CSF2RA: variants seen among roughly 807,000 people sequenced by gnomAD.
CSF2RA encodes colony stimulating factor 2 receptor subunit alpha, also known as granulocyte-macrophage colony-stimulating factor receptor subunit alpha.
Under a neutral mutation model 51.6 loss-of-function variants are expected in CSF2RA, and 42 were observed. That is an observed-to-expected ratio of 0.81 (90% CI 0.64 to 1.05). The LOEUF (loss-of-function observed/expected upper bound fraction) is 1.05, where lower values mean the gene tolerates loss of function less well. Ranked by LOEUF, CSF2RA falls within the 50% of genes least tolerant of loss-of-function variation. The pLI is 0.00. For missense variants in CSF2RA, 530 were observed against 501.1 expected (o/e 1.06, Z -0.55); for synonymous variants, 222 against 193.0 (o/e 1.15, Z -1.24).
chrX:1,314,836 T>G (rs868522018), downstream of CSF2RA, among the ~76,000 whole-genome samples: 17 of 90,894 alleles, frequency 1.9e-4, 5 homozygotes, highest in African/African-American at 8.3e-4. Context: ...CCAACCGCAC[T>G]GCACCTGCCC....
At chrX:1,318,472 C>G in the CSF2RA span, among the ~76,000 whole-genome samples, 14 of 151,710 alleles carry the variant, frequency 9.2e-5, no homozygotes, top group African/African-American at 3.4e-4. Flanking sequence ...CGAAGCTGAA[C>G]TTTTGTCTCC....
chrX:1,288,724 G>C, intron 5 of CSF2RA, 35 bp from the exon 6 acceptor site: 4 of 1,613,854 alleles, frequency 2.5e-6, no homozygotes, highest in Non-Finnish European at 3.4e-6. Context: ...GTTGAACTTC[G>C]GAGTGAAAAT....
chrX:1,270,226 A>G (rs1446557510), intron 1 of CSF2RA, among the ~76,000 whole-genome samples: 5 of 130,304 alleles, frequency 3.8e-5, no homozygotes, highest in African/African-American at 1.4e-4. Flanking sequence ...TATTGTATAT[A>G]TACATATTAT....
chrX:1,314,969 T>G (rs1490894102), downstream of CSF2RA, among the ~76,000 whole-genome samples: 2,107 of 103,918 alleles, frequency 0.02, 265 homozygotes, highest in African/African-American at 0.076. Flanking sequence ...CCAACCCCAC[T>G]GTGCCTGCCC....
At chrX:1,289,020 G>C in intron 6 of CSF2RA, 132 bp downstream of exon 6, 1 of 1,252,492 alleles carries the variant, frequency 8.0e-7, no homozygotes, top group Non-Finnish European at 1.2e-6. Context: ...GCAATGCAAT[G>C]GTGCCACCTC....
chrX:1,301,011 A>G (rs2092329095), intron 10 of CSF2RA, among the ~76,000 whole-genome samples: 1 of 151,286 alleles, frequency 6.6e-6, no homozygotes, highest in Non-Finnish European at 1.5e-5. Context: ...AAATTAGCCC[A>G]GCATTGTGGC....
At chrX:1,295,658 C>T in intron 9 of CSF2RA, 1 of 702,850 alleles carries the variant, frequency 1.4e-6, no homozygotes, top group South Asian at 1.6e-5. Context: ...CTACAGTCCC[C>T]TACTGACGAC....
At chrX:1,294,122 G>C (rs56185954) in intron 7 of CSF2RA, 53 of 679,398 alleles carry the variant, frequency 7.8e-5, no homozygotes, top group Non-Finnish European at 4.8e-5. Flanking sequence ...TAGACAGGAG[G>C]AGACCCTGCC....
the CSF2RA span, among the ~76,000 whole-genome samples, chrX:1,318,016 T>A: frequency 6.8e-6 from 1 of 147,306 alleles, no homozygotes; most frequent in South Asian, 2.2e-4. Flanking sequence ...TGAGACAGAG[T>A]CTCACTGTGT....
intron 12 of CSF2RA, among the ~76,000 whole-genome samples, chrX:1,308,100 A>G (rs1386480781): frequency 6.6e-6 from 1 of 152,020 alleles, no homozygotes; most frequent in African/African-American, 2.4e-5. Context: ...CTGATTAGAT[A>G]AGGCCCACCC....
At chrX:1,278,881 T>G (rs1444313730) in intron 2 of CSF2RA, among the ~76,000 whole-genome samples, 3 of 146,044 alleles carry the variant, frequency 2.1e-5, no homozygotes, top group African/African-American at 2.5e-5. Context: ...CTACTAAAAA[T>G]ACAAAAATTA....
chrX:1,269,521 G>T (rs1229286339), intron 1 of CSF2RA, among the ~76,000 whole-genome samples: 3 of 151,994 alleles, frequency 2.0e-5, no homozygotes, highest in Non-Finnish European at 4.4e-5. Flanking sequence ...TACTCAGGAG[G>T]CTGAGGCAGG....
the CSF2RA span, among the ~76,000 whole-genome samples, chrX:1,319,278 G>A: frequency 2.7e-5 from 4 of 149,198 alleles, no homozygotes; most frequent in Non-Finnish European, 6.0e-5. Flanking sequence ...TTGTAGACAT[G>A]AGCCACCATG....
chrX:1,305,232 C>T (rs1446121763), intron 11 of CSF2RA, among the ~76,000 whole-genome samples: 3 of 151,996 alleles, frequency 2.0e-5, no homozygotes, highest in East Asian at 1.9e-4. Context: ...AGTGATCCAC[C>T]CGCCTCGGCC....
intron 2 of CSF2RA, among the ~76,000 whole-genome samples, chrX:1,275,742 T>C (rs1490086219): frequency 4.6e-5 from 7 of 151,652 alleles, no homozygotes; most frequent in Non-Finnish European, 7.4e-5. Context: ...GTATTTTTAG[T>C]AGAGAAGGGG....
chrX:1,295,532 CT>C, intron 9 of CSF2RA, 76 bp downstream of exon 9: 3 of 1,281,316 alleles, frequency 2.3e-6, no homozygotes, highest in Admixed American at 1.7e-5. Context: ...CCTAGTGTAA[CT>C]CTACAGTCCC....
chrX:1,303,454 T>G (rs1351027075), intron 10 of CSF2RA: 25 of 432,584 alleles, frequency 5.8e-5, no homozygotes, highest in African/African-American at 4.7e-4. Flanking sequence ...TAGTGAGGCT[T>G]GTCTCGAACT....
At chrX:1,324,576 G>A in the CSF2RA span, among the ~76,000 whole-genome samples, 1 of 148,384 alleles carries the variant, frequency 6.7e-6, no homozygotes. Context: ...AGGAAGGAAG[G>A]AAAGAAAGAA....
the CSF2RA span, among the ~76,000 whole-genome samples, chrX:1,317,568 A>ATTTTT: frequency 1.9e-5 from 2 of 105,232 alleles, no homozygotes; most frequent in African/African-American, 3.8e-5. Context: ...TTTTTATTTT[A>ATTTTT]TTTTATTTTT....
Sources: allele counts gnomAD v4.1 joint callset (sites outside exome capture counted in the v4.1 genomes callset), GRCh38; gene constraint gnomAD v4.1.1; transcripts MANE v1.5; gene names NCBI Gene and HGNC (gene_info 2026-07-23, HGNC 2026-07-21).